LRRIQ3: variants seen among roughly 807,000 people sequenced by gnomAD.
The protein encoded by LRRIQ3 is leucine rich repeats and IQ motif containing 3.
A neutral mutation model predicts 59.3 loss-of-function variants in LRRIQ3; 75 were observed. That is an observed-to-expected ratio of 1.26 (90% CI 1.05 to 1.53). The LOEUF is 1.53. Ranked by LOEUF, LRRIQ3 falls within the 40% of genes most tolerant of loss-of-function variation. The pLI is 0.00. For synonymous variants in LRRIQ3, 250 were observed against 231.3 expected, an observed-to-expected ratio of 1.08 and a Z score of -0.73; for missense variants, 831 against 710.0, an observed-to-expected ratio of 1.17 and a Z score of -1.94.
intron 6 of LRRIQ3, among the ~76,000 whole-genome samples, chr1:74,044,203 T>C (rs1654131496): frequency 1.3e-5 from 2 of 152,116 alleles, no homozygotes; most frequent in South Asian, 4.1e-4. Flanking sequence ...GCCTACTATT[T>C]TGCACAGTTT....
intron 6 of LRRIQ3, among the ~76,000 whole-genome samples, chr1:74,054,764 A>ATATATATC (rs1282233588): frequency 2.2e-4 from 33 of 147,770 alleles, no homozygotes; most frequent in African/African-American, 6.6e-4. Context: ...ATATCTATAT[A>ATATATATC]TCTACATACA....
At chr1:74,136,422 G>A (rs185565296) in intron 4 of LRRIQ3, among the ~76,000 whole-genome samples, 11 of 152,086 alleles carry the variant, frequency 7.2e-5, no homozygotes, top group Non-Finnish European at 5.9e-5. Flanking sequence ...TGGCTACACA[G>A]AAAGTTTCTT....
chr1:74,168,341 C>T (rs1649120450), intron 3 of LRRIQ3, among the ~76,000 whole-genome samples: 1 of 152,022 alleles, frequency 6.6e-6, no homozygotes, highest in Admixed American at 6.6e-5. Context: ...ACATCTCTCT[C>T]CACCTCTGAT....
intron 5 of LRRIQ3, among the ~76,000 whole-genome samples, chr1:74,100,552 A>G (rs1646515474): frequency 6.6e-6 from 1 of 152,186 alleles, no homozygotes; most frequent in South Asian, 2.1e-4. Context: ...AATTGGAAAA[A>G]ACTACTTTCA....
intron 3 of LRRIQ3, among the ~76,000 whole-genome samples, chr1:74,177,663 A>G (rs1018904224): frequency 6.6e-6 from 1 of 151,874 alleles, no homozygotes; most frequent in African/African-American, 2.4e-5. Context: ...TTAAGGAATT[A>G]TATGTTTTAC....
chr1:74,107,219 A>G (rs142401213), intron 5 of LRRIQ3, among the ~76,000 whole-genome samples: 157 of 152,176 alleles, frequency 1.0e-3, no homozygotes, highest in African/African-American at 3.6e-3. Flanking sequence ...ACAGGAGAAG[A>G]TTCAGATACT....
At chr1:74,156,763 C>G (rs192408992) in intron 3 of LRRIQ3, among the ~76,000 whole-genome samples, 2 of 152,070 alleles carry the variant, frequency 1.3e-5, no homozygotes, top group Non-Finnish European at 2.9e-5. Flanking sequence ...TGGAAAAGAT[C>G]CTGTATTGGC....
chr1:74,120,610 T>C (rs988705794), intron 4 of LRRIQ3, among the ~76,000 whole-genome samples: 2 of 152,014 alleles, frequency 1.3e-5, no homozygotes, highest in African/African-American at 4.8e-5. Context: ...TAATACATTA[T>C]ATAATAATCT....
At chr1:74,087,381 C>CTTTTTTTTTTTTTTT (rs57068994) in intron 5 of LRRIQ3, among the ~76,000 whole-genome samples, 18 of 59,012 alleles carry the variant, frequency 3.1e-4, no homozygotes, top group African/African-American at 1.2e-3. Flanking sequence ...AAAATTTTAT[C>CTTTTTTTTTTTTTTT]TTTTTTTTTT....
chr1:74,162,407 AC>A (rs1648712740), intron 3 of LRRIQ3, among the ~76,000 whole-genome samples: 1 of 151,894 alleles, frequency 6.6e-6, no homozygotes, highest in African/African-American at 2.4e-5. Flanking sequence ...TAGGCAAAAA[AC>A]TATCAACAAT....
At chr1:74,060,357 T>C (rs565414949) in intron 6 of LRRIQ3, among the ~76,000 whole-genome samples, 39 of 151,002 alleles carry the variant, frequency 2.6e-4, no homozygotes, top group African/African-American at 9.0e-4. Context: ...TTTCTTCTTC[T>C]TCCTCCTCCT....
intron 3 of LRRIQ3, among the ~76,000 whole-genome samples, chr1:74,172,170 C>T (rs1365045753): frequency 6.6e-6 from 1 of 151,914 alleles, no homozygotes; most frequent in Non-Finnish European, 1.5e-5. Context: ...TTTTCTAGTT[C>T]CTTCAGGTGT....
chr1:74,132,966 C>G (rs566616978), intron 4 of LRRIQ3, among the ~76,000 whole-genome samples: 1 of 152,230 alleles, frequency 6.6e-6, no homozygotes, highest in East Asian at 1.9e-4. Context: ...ATCTACTCAT[C>G]TGACAATGGG....
At chr1:74,189,503 C>T (rs929891843) in intron 1 of LRRIQ3, among the ~76,000 whole-genome samples, 10 of 151,944 alleles carry the variant, frequency 6.6e-5, no homozygotes, top group South Asian at 6.2e-4. Context: ...TTTATGAGGA[C>T]GAAATAAGTC....
chr1:74,141,677 A>C (rs778573412), intron 4 of LRRIQ3, among the ~76,000 whole-genome samples: 1 of 151,894 alleles, frequency 6.6e-6, no homozygotes. Flanking sequence ...TTTGATAAAA[A>C]ATGTTCTGAT....
intron 6 of LRRIQ3, among the ~76,000 whole-genome samples, chr1:74,054,642 A>G (rs772801772): frequency 2.0e-5 from 3 of 151,620 alleles, no homozygotes; most frequent in African/African-American, 4.8e-5. Context: ...ATATTGAAAC[A>G]GACTGTTATG....
At chr1:74,121,474 C>A (rs975657518) in intron 4 of LRRIQ3, among the ~76,000 whole-genome samples, 1 of 152,126 alleles carries the variant, frequency 6.6e-6, no homozygotes, top group African/African-American at 2.4e-5. Context: ...GCACAGTAAG[C>A]TAGTGAGAAG....
chr1:74,029,551 C>T (rs566665020), intron 7 of LRRIQ3, among the ~76,000 whole-genome samples: 81 of 152,194 alleles, frequency 5.3e-4, no homozygotes, highest in Non-Finnish European at 5.9e-4. Flanking sequence ...ATGAAGCCCA[C>T]TTGATCATGG....
chr1:74,117,424 C>G (rs1235426925), intron 4 of LRRIQ3, among the ~76,000 whole-genome samples: 1 of 152,028 alleles, frequency 6.6e-6, no homozygotes. Flanking sequence ...AACAGTAGTA[C>G]AATTATTAGC....
Sources: gnomAD v4.1 joint callset for allele counts (sites outside exome capture counted in the v4.1 genomes callset) on GRCh38, gnomAD v4.1.1 for gene constraint, MANE v1.5 for transcripts, NCBI Gene and HGNC (gene_info 2026-07-23, HGNC 2026-07-21) for gene names.